Variants in B3GALT1 observed in about 807,000 individuals in gnomAD.
The protein encoded by B3GALT1 is UDP-Gal:betaGlcNAc beta 1,3-galactosyltransferase, polypeptide 1.
A neutral mutation model predicts 23.2 loss-of-function variants in B3GALT1; 10 were observed. The observed-to-expected ratio is 0.43, with a 90% CI of 0.27 to 0.73. The LOEUF is 0.73. B3GALT1 is among the 30% of genes least tolerant of loss of function. The pLI is 0.21. For missense variants in B3GALT1, 299 were observed against 405.4 expected (o/e 0.74, Z 2.25); for synonymous variants, 156 against 141.5 (o/e 1.10, Z -0.73).
chr2:167,314,572 T>TTA (rs1257991784), intron 1 of B3GALT1, among the ~76,000 whole-genome samples: 1 of 152,180 alleles, frequency 6.6e-6, no homozygotes, highest in African/African-American at 2.4e-5. Flanking sequence ...GGCGAAAATA[T>TTA]TCAAAACTGT....
chr2:167,637,487 T>C (rs925045979), intron 2 of B3GALT1, among the ~76,000 whole-genome samples: 20 of 152,058 alleles, frequency 1.3e-4, no homozygotes, highest in African/African-American at 4.1e-4. Flanking sequence ...CAAGTACTTC[T>C]CATTTGTATG....
At chr2:167,855,264 T>G (rs1689978851) in intron 4 of B3GALT1, among the ~76,000 whole-genome samples, 1 of 152,124 alleles carries the variant, frequency 6.6e-6, no homozygotes, top group Non-Finnish European at 1.5e-5. Context: ...CTGACGACCA[T>G]GTAAAAAGTG....
At chr2:167,709,628 T>A (rs1687019490) in intron 3 of B3GALT1, among the ~76,000 whole-genome samples, 1 of 152,120 alleles carries the variant, frequency 6.6e-6, no homozygotes, top group East Asian at 1.9e-4. Context: ...AAAGGCATAG[T>A]GATAGTTGTA....
intron 1 of B3GALT1, among the ~76,000 whole-genome samples, chr2:167,441,857 A>G (rs551134132): frequency 1.3e-5 from 2 of 149,894 alleles, no homozygotes; most frequent in East Asian, 3.9e-4. Context: ...GCAAGATCCC[A>G]TGTTTTTTTT....
chr2:167,489,354 A>G (rs184698179), intron 1 of B3GALT1, among the ~76,000 whole-genome samples: 1 of 152,284 alleles, frequency 6.6e-6, no homozygotes, highest in Admixed American at 6.5e-5. Context: ...GTCTTCTTTA[A>G]AATAGATTTT....
intron 4 of B3GALT1, among the ~76,000 whole-genome samples, chr2:167,865,787 G>T (rs1027820096): frequency 6.6e-6 from 1 of 152,046 alleles, no homozygotes; most frequent in Admixed American, 6.5e-5. Flanking sequence ...GCGAGACTCC[G>T]TCTCAAAAAC....
chr2:167,752,791 A>T (rs1687759311), intron 3 of B3GALT1, among the ~76,000 whole-genome samples: 1 of 152,018 alleles, frequency 6.6e-6, no homozygotes, highest in African/African-American at 2.4e-5. Flanking sequence ...TAGTCACATC[A>T]CTCTTTGGCA....
At chr2:167,541,217 C>A (rs547509940) in intron 2 of B3GALT1, among the ~76,000 whole-genome samples, 1 of 152,182 alleles carries the variant, frequency 6.6e-6, no homozygotes, top group African/African-American at 2.4e-5. Context: ...ATCATATGAT[C>A]AAGAGGATAA....
At chr2:167,803,225 T>A (rs1371759788) in intron 3 of B3GALT1, among the ~76,000 whole-genome samples, 1 of 152,094 alleles carries the variant, frequency 6.6e-6, no homozygotes, top group Non-Finnish European at 1.5e-5. Flanking sequence ...GAAGCAACAG[T>A]GCACTAAACA....
At chr2:167,865,386 G>A (rs530192697) in intron 4 of B3GALT1, among the ~76,000 whole-genome samples, 2 of 152,292 alleles carry the variant, frequency 1.3e-5, no homozygotes, top group South Asian at 4.2e-4. Flanking sequence ...CTGGGTGACA[G>A]AGTGAGACTC....
intron 1 of B3GALT1, among the ~76,000 whole-genome samples, chr2:167,374,774 T>C (rs1697737108): frequency 6.6e-6 from 1 of 152,144 alleles, no homozygotes; most frequent in African/African-American, 2.4e-5. Flanking sequence ...TGCAAATATT[T>C]TCTCACATTC....
rs1553470017 is a variant in B3GALT1 at position 167,588,246 on chromosome 2, T to TA, written c.-409-58656dup. 9.1e-3 allele frequency among the ~76,000 whole-genome samples: 1,379 copies of TA among 152,154 alleles called. 11 individuals carry two copies. The highest frequency in any genetic ancestry group is 0.046 in the East Asian group (238 of 5,178). ...ATACGTATTTAAATCACCTGTGAGC[T>TA]AAAAAAACTATGATTACCACTGATA... On this transcript the variant is annotated intron_variant, in intron 2 of 4. Transcript: ENST00000392690.
At chr2:167,854,751 TA>T (rs1415530656) in intron 4 of B3GALT1, among the ~76,000 whole-genome samples, 2 of 152,120 alleles carry the variant, frequency 1.3e-5, no homozygotes, top group Non-Finnish European at 2.9e-5. Context: ...GAAGAAAAGC[TA>T]AGGGGGAATT....
intron 1 of B3GALT1, among the ~76,000 whole-genome samples, chr2:167,360,795 A>C (rs1239015387): frequency 6.6e-6 from 1 of 152,178 alleles, no homozygotes; most frequent in Non-Finnish European, 1.5e-5. Context: ...GTACTATCAA[A>C]TACTAGAACA....
chr2:167,427,379 A>C (rs1169438325), intron 1 of B3GALT1, among the ~76,000 whole-genome samples: 4 of 152,328 alleles, frequency 2.6e-5, no homozygotes, highest in Middle Eastern at 3.4e-3. Context: ...AAAGAAGTAT[A>C]TGACCTTATA....
intron 3 of B3GALT1, among the ~76,000 whole-genome samples, chr2:167,650,360 A>G (rs1685840352): frequency 6.7e-6 from 1 of 150,366 alleles, no homozygotes; most frequent in African/African-American, 2.4e-5. Flanking sequence ...GTGAGAATAT[A>G]TATCAGAGAA....
At chr2:167,366,129 T>C (rs1271542248) in intron 1 of B3GALT1, among the ~76,000 whole-genome samples, 1 of 152,226 alleles carries the variant, frequency 6.6e-6, no homozygotes, top group African/African-American at 2.4e-5. Context: ...ATTTATTCTC[T>C]GAAATTAAAA....
chr2:167,319,093 G>A (rs1696763181), intron 1 of B3GALT1, among the ~76,000 whole-genome samples: 1 of 152,114 alleles, frequency 6.6e-6, no homozygotes, highest in African/African-American at 2.4e-5. Flanking sequence ...GTCTTGCTCT[G>A]AGATGGTTTT....
intron 3 of B3GALT1, among the ~76,000 whole-genome samples, chr2:167,721,072 C>CTCTCTTCTCTCTCTCTCACTCTT (rs1357522262): frequency 6.6e-6 from 1 of 152,088 alleles, no homozygotes; most frequent in Non-Finnish European, 1.5e-5. Flanking sequence ...CCATCTTTCT[C>CTCTCTTCTCTCTCTCTCACTCTT]TCTCTTCTCT....
Sources: allele counts gnomAD v4.1 joint callset (sites outside exome capture counted in the v4.1 genomes callset), GRCh38; gene constraint gnomAD v4.1.1; transcripts MANE v1.5; gene names NCBI Gene and HGNC (gene_info 2026-07-23, HGNC 2026-07-21).